The following STK36 variants were observed in gnomAD, a reference collection of about 807,000 sequenced individuals.
STK36 encodes serine/threonine-protein kinase 36.
STK36 carries 116 observed loss-of-function variants against 142.2 expected under a neutral mutation model. The ratio of observed to expected loss-of-function variants is 0.82; its 90% CI spans 0.70 to 0.95. The LOEUF (loss-of-function observed/expected upper bound fraction) is 0.95, where lower values mean the gene tolerates loss of function less well. STK36 is among the 40% of genes least tolerant of loss of function. STK36 has a pLI of 0.00. For synonymous variants in STK36, 619 were observed against 641.7 expected, an observed-to-expected ratio of 0.96 and a Z score of 0.53; for missense variants, 1,422 against 1,617.2, an observed-to-expected ratio of 0.88 and a Z score of 2.07.
chr2:218,679,476 G>T, intron 7 of STK36, 84 bp from the exon 8 acceptor site: 1 of 1,490,978 alleles, frequency 6.7e-7, no homozygotes. Flanking sequence ...CAGAAGCCTG[G>T]AGACACTGAA....
At chr2:218,701,800 C>T (rs1941450997) in intron 26 of STK36, 66 bp from the exon 27 acceptor site, 1 of 1,582,822 alleles carries the variant, frequency 6.3e-7, no homozygotes, top group Non-Finnish European at 8.6e-7. Context: ...GTCCTCCGCA[C>T]CTGCCCCAGA....
intron 21 of STK36, 34 bp from the exon 22 acceptor site, chr2:218,696,493 A>C (rs746896747): frequency 1.2e-6 from 2 of 1,600,172 alleles, no homozygotes. Context: ...CATTCCTCTT[A>C]GGCACCTGCA....
At chr2:218,687,827 G>T (rs564804131) in intron 11 of STK36, among the ~76,000 whole-genome samples, 1 of 152,160 alleles carries the variant, frequency 6.6e-6, no homozygotes, top group Non-Finnish European at 1.5e-5. Context: ...TAAAATACTT[G>T]GTGTAAATGT....
chr2:218,693,133 G>A (rs1941079065), intron 16 of STK36, 107 bp from the exon 17 acceptor site: 3 of 930,154 alleles, frequency 3.2e-6, no homozygotes, highest in Non-Finnish European at 5.0e-6. Flanking sequence ...GTGAATGTGG[G>A]AAGAGTGACT....
Position 218,698,990 on chromosome 2 carries a change from G to A in STK36, c.3446G>A (p.Ser1149Asn). ...HSMALRGALQ[S>N]QSGLLSLLLL... Reference sequence around the variant, plus strand: ...ATGGCCCTGCGTGGGGCACTGCAGAGCCAGTCTGGACTGCTCAGCCTTCTG... The same window carrying A: ...ATGGCCCTGCGTGGGGCACTGCAGAACCAGTCTGGACTGCTCAGCCTTCTG... The change falls in exon 26 of 27, where the codon AGC becomes AAC. Residue 1149 changes from serine (S) to asparagine (N), a missense_variant. Transcript: ENST00000295709. 6.2e-7 allele frequency: 1 copy of A among 1,614,166 alleles called. No individual in the cohort carries two copies.
In STK36 at chr2:218,672,889, G is replaced by A. The variant is rs776982614; in HGVS notation, c.60G>A (p.Lys20=). ...IGEGSFGRVY[K]GRRKYSAQVV... is the part of the protein sequence containing the mutation. ...AAGGCTCTTTTGGGAGGGTGTACAA[G>A]GGTCGAAGAAAATACAGTGCTCAGG... is the stretch of plus-strand genomic sequence containing the variant. The change falls in exon 2 of 27, where the codon AAG becomes AAA. Residue 20 remains lysine (K), a synonymous_variant. Coordinates refer to ENST00000295709, the MANE Select transcript of STK36 (RefSeq NM_015690.5). The A allele has an allele frequency of 1.2e-5, 19 of 1,613,954 alleles. No individual in the cohort carries two copies. The East Asian group carries it at 4.0e-4, about 34-fold the overall frequency.
At chr2:218,678,115 A>T (rs893529893) in intron 6 of STK36, among the ~76,000 whole-genome samples, 21 of 151,998 alleles carry the variant, frequency 1.4e-4, no homozygotes, top group African/African-American at 4.8e-4. Context: ...AATTAATTAA[A>T]TTTTTTTTAA....
At position 218,697,419 on chromosome 2, in the gene STK36, G is replaced by A; in HGVS notation, c.2762-44G>A. 3 of 1,605,218 alleles carry A rather than the reference G, an allele frequency of 1.9e-6. No individual in the cohort carries two copies. The Middle Eastern group carries it at 5.4e-4, about 288-fold the overall frequency. ...GCTGTGGGGAAGCAGGGGTATCTGGGCGTCTTGCCTGTTCCATTGGGTCTC... is the reference window on the plus strand; with the variant it reads ...GCTGTGGGGAAGCAGGGGTATCTGGACGTCTTGCCTGTTCCATTGGGTCTC... On this transcript the variant is annotated intron_variant, in intron 23 of 26. Coordinates refer to ENST00000295709, the MANE Select transcript of STK36 (RefSeq NM_015690.5).
Position 218,679,580 on chromosome 2 carries a change from C to T in STK36, c.799C>T (p.Pro267Ser), listed in dbSNP as rs1412533758. Residue 267 changes from proline to serine, a missense_variant, in exon 8 of 27, where the codon CCA (proline) becomes TCA (serine). Physicochemically the swap from Pro to Ser is moderately conservative, Grantham distance 74. Transcript: ENST00000295709. ...HVTIITEPAG[P>S]DLGTPFTSRL... ...TGCAGTAATAACTGAGCCAGCAGGC[C>T]CAGATTTGGGGACCCCATTCACCAG... The T allele has an allele frequency of 1.9e-6, 3 of 1,613,988 alleles. No individual in the cohort carries two copies. In the Admixed American group the frequency reaches 5.0e-5, roughly 27 times the overall value.
At chr2:218,692,869 T>C (rs1941066950) in intron 16 of STK36, among the ~76,000 whole-genome samples, 159 bp downstream of exon 16, 1 of 152,184 alleles carries the variant, frequency 6.6e-6, no homozygotes, top group South Asian at 2.1e-4. Flanking sequence ...TAGAACATGA[T>C]ATAGCCAGAA....
intron 2 of STK36, chr2:218,673,144 A>G (rs1338442434): frequency 4.1e-6 from 2 of 483,158 alleles, no homozygotes; most frequent in Non-Finnish European, 7.5e-6. Flanking sequence ...CCTATGTCTC[A>G]ATTTCCTTAT....
chr2:218,695,853 T>C (rs1423628233), intron 21 of STK36, among the ~76,000 whole-genome samples: 1 of 144,798 alleles, frequency 6.9e-6, no homozygotes, highest in African/African-American at 2.6e-5. Context: ...TCTTTATATA[T>C]GTAGAATTCT....
intron 10 of STK36, among the ~76,000 whole-genome samples, chr2:218,684,531 C>T (rs901215418): frequency 6.9e-6 from 1 of 144,378 alleles, no homozygotes; most frequent in African/African-American, 2.5e-5. Context: ...AACAATTCTC[C>T]TGTGTCAGCC....
chr2:218,676,514 G>T (rs867028095), intron 6 of STK36, among the ~76,000 whole-genome samples: 1 of 152,096 alleles, frequency 6.6e-6, no homozygotes, highest in African/African-American at 2.4e-5. Context: ...AGGATGGCTG[G>T]GGAAGCCTCA....
chr2:218,698,256 CT>C (rs1458147338), intron 25 of STK36, among the ~76,000 whole-genome samples: 2 of 152,164 alleles, frequency 1.3e-5, no homozygotes, highest in Non-Finnish European at 2.9e-5. Flanking sequence ...GGAGAACATC[CT>C]AGTCTAGGCA....
In STK36 at chr2:218,676,025, G is replaced by A; in HGVS notation, c.435-4G>A. On this transcript the variant is annotated splice_region_variant and splice_polypyrimidine_tract_variant and intron_variant, in intron 5 of 26. Transcript: ENST00000295709. ...TTCCATTTCCATCCCATTATCTTCT[G>A]CAGATTTGCCCGGGCTATGAGCACC... 6.2e-7 allele frequency: 1 copy of A among 1,613,490 alleles called. No homozygotes were observed. Among genetic ancestry groups the A allele is most frequent in the Non-Finnish European group, 8.5e-7 (1 of 1,179,598 alleles).
Position 218,679,188 on chromosome 2 carries a change from C to T in STK36, c.705C>T (p.Leu235=). ...PCFKNFLQGL[L]TKDPRQRLSW... ...TGTAGAACTTCCTGCAGGGACTGCTCACCAAAGACCCACGGCAGCGACTGT... is the reference window on the plus strand; with the variant it reads ...TGTAGAACTTCCTGCAGGGACTGCTTACCAAAGACCCACGGCAGCGACTGT... Residue 235 remains leucine, a synonymous_variant, in exon 7 of 27, where the codon CTC becomes CTT. Transcript: ENST00000295709. 1 of 1,614,126 alleles carries T rather than the reference C, an allele frequency of 6.2e-7. No individual in the cohort carries two copies. Among genetic ancestry groups the T allele is most frequent in the Non-Finnish European group, 8.5e-7 (1 of 1,180,000 alleles).
At chr2:218,680,797 G>A in intron 10 of STK36, 95 bp downstream of exon 10, 1 of 971,926 alleles carries the variant, frequency 1.0e-6, no homozygotes, top group African/African-American at 1.6e-5. Context: ...AACTCCCTAA[G>A]TATGAGCTCC....
At chr2:218,687,509 T>C (rs1045116760) in intron 11 of STK36, among the ~76,000 whole-genome samples, 7 of 152,218 alleles carry the variant, frequency 4.6e-5, no homozygotes, top group Admixed American at 3.9e-4. Flanking sequence ...AAAAGAACTC[T>C]CCTTTCCTCA....
Sources: allele counts gnomAD v4.1 joint callset (sites outside exome capture counted in the v4.1 genomes callset), GRCh38; gene constraint gnomAD v4.1.1; transcripts MANE v1.5; gene names NCBI Gene and HGNC (gene_info 2026-07-23, HGNC 2026-07-21).